Variants in SIL1 observed in about 807,000 individuals in gnomAD.
The protein encoded by SIL1 is nucleotide exchange factor SIL1.
In SIL1, 40 loss-of-function variants were observed where a neutral mutation model predicts 49.1. That is an observed-to-expected ratio of 0.81 (90% CI 0.63 to 1.06). The LOEUF is 1.06. Among genes scored for constraint, SIL1 ranks in the 50% least tolerant of loss-of-function variants. The pLI is 0.00. For synonymous variants in SIL1, 253 were observed against 250.8 expected (o/e 1.01, Z -0.08); for missense variants, 500 against 572.6 (o/e 0.87, Z 1.29).
intron 7 of SIL1, among the ~76,000 whole-genome samples, chr5:138,974,162 G>T (rs1767344589): frequency 1.3e-5 from 2 of 152,162 alleles, no homozygotes; most frequent in Admixed American, 6.5e-5. Context: ...AATCCAAAGA[G>T]CTCCTCAGGA....
At chr5:139,100,747 G>A (rs1352065857) in intron 3 of SIL1, among the ~76,000 whole-genome samples, 1 of 152,102 alleles carries the variant, frequency 6.6e-6, no homozygotes, top group African/African-American at 2.4e-5. Flanking sequence ...GAAAGGGGTC[G>A]AGAATGACTG....
At chr5:139,075,597 A>G (rs956846651) in intron 3 of SIL1, among the ~76,000 whole-genome samples, 2 of 152,226 alleles carry the variant, frequency 1.3e-5, no homozygotes, top group Non-Finnish European at 2.9e-5. Flanking sequence ...AGAGCATGTC[A>G]TAGGGAATAA....
chr5:139,177,901 T>C (rs1441949575), intron 1 of SIL1, among the ~76,000 whole-genome samples: 1 of 152,258 alleles, frequency 6.6e-6, no homozygotes, highest in Non-Finnish European at 1.5e-5. Flanking sequence ...CCACAGGTGC[T>C]GGCTTTGCTA....
Position 139,132,808 on chromosome 5 carries a change from T to TGAGGGA in SIL1, c.-10-4961_-10-4956dup, listed in dbSNP as rs1478830353. ...TTTGCCCTGGGCTTTATGCTAAAGC[T>TGAGGGA]GAGGGAGAAGGGAAAGGGGGAAAGG... On this transcript the variant is annotated intron_variant, in intron 1 of 9. Transcript: ENST00000394817. Among the ~76,000 whole-genome samples the TGAGGGA allele has an allele frequency of 1.3e-5, 2 of 152,098 alleles. 1 individual carries two copies. The highest frequency in any genetic ancestry group is 4.8e-5 in the African/African-American group (2 of 41,396).
intron 7 of SIL1, among the ~76,000 whole-genome samples, chr5:139,016,666 G>C (rs937419176): frequency 2.0e-5 from 3 of 152,106 alleles, no homozygotes; most frequent in South Asian, 2.1e-4. Context: ...GTTCCCTAAG[G>C]AAAGTGGCAG....
At chr5:139,118,521 G>GACTT (rs765812918) in intron 3 of SIL1, among the ~76,000 whole-genome samples, 3 of 152,136 alleles carry the variant, frequency 2.0e-5, no homozygotes, top group Non-Finnish European at 4.4e-5. Context: ...AATATTCTGT[G>GACTT]ACTTGCCCAA....
rs1000748913 is a variant in SIL1, at chr5:138,947,667, G to A, written c.1030-194C>T. ...CATTCATCCACCAACAGAAACACTT[G>A]TGTGGTGCCAGGTGCTGAAGAAACC... On this transcript the variant is annotated intron_variant, in intron 9 of 9. Coordinates refer to ENST00000394817, the MANE Select transcript of SIL1 (RefSeq NM_022464.5). The surrounding 1 kb of genome is among the most constrained non-coding windows in gnomAD (Gnocchi z 4.1). 1.3e-5 allele frequency among the ~76,000 whole-genome samples: 2 copies of A among 152,194 alleles called. No homozygotes were observed. The highest frequency in any genetic ancestry group is 2.9e-5 in the Non-Finnish European group (2 of 68,036).
intron 1 of SIL1, among the ~76,000 whole-genome samples, chr5:139,138,436 C>T (rs1751019004): frequency 6.6e-6 from 1 of 152,196 alleles, no homozygotes; most frequent in African/African-American, 2.4e-5. Flanking sequence ...ACTCCTTATA[C>T]CTGATCCTTG....
Position 138,972,427 on chromosome 5 carries a change from C to T in SIL1, c.768-20543G>A, listed in dbSNP as rs985963637. Among the ~76,000 whole-genome samples the T allele has an allele frequency of 3.3e-5, 5 of 152,258 alleles. No homozygotes were observed. In the East Asian group the frequency reaches 9.6e-4, roughly 29 times the overall value. ...ATGCTGGGTCCAGATGTAAGAACCT[C>T]AAGCTGGGCTAAAAAGCAGCTTTCC... On this transcript the variant is annotated intron_variant, in intron 7 of 9. Transcript: ENST00000394817.
intron 5 of SIL1, among the ~76,000 whole-genome samples, chr5:139,032,198 T>C (rs541865696): frequency 6.6e-6 from 1 of 152,358 alleles, no homozygotes; most frequent in Non-Finnish European, 1.5e-5. Context: ...TTAAGTATAA[T>C]ATTCCATGCA....
intron 7 of SIL1, among the ~76,000 whole-genome samples, chr5:138,962,152 G>A (rs924657836): frequency 3.3e-5 from 5 of 151,316 alleles, no homozygotes; most frequent in African/African-American, 9.7e-5. Flanking sequence ...CAGATACCCC[G>A]TGCACCACGC....
chr5:139,189,704 T>A (rs933938917), intron 1 of SIL1, among the ~76,000 whole-genome samples: 1 of 152,054 alleles, frequency 6.6e-6, no homozygotes, highest in African/African-American at 2.4e-5. Context: ...ATCTGTAATC[T>A]CAGCTACTCA....
At chr5:139,111,613 C>A (rs1172688259) in intron 3 of SIL1, among the ~76,000 whole-genome samples, 1 of 152,198 alleles carries the variant, frequency 6.6e-6, no homozygotes, top group Non-Finnish European at 1.5e-5. Context: ...GCATCAAGCA[C>A]TATACTTCCA....
Position 138,946,966 on chromosome 5 carries a change from A to T in SIL1, c.*151T>A. The T allele has an allele frequency of 1.4e-6, 1 of 705,040 alleles. No individual in the cohort carries two copies. 43.7% of individuals were successfully genotyped at this position (705,040 alleles called of 1,614,324 possible). ...GGCCACAGGGCTGTGCCCAGTCTAC[A>T]CAGACACACAGCAGAAAGAGGATGG... is the stretch of plus-strand genomic sequence containing the variant. On this transcript the variant is annotated 3_prime_UTR_variant, in exon 10 of 10. Transcript: ENST00000394817.
intron 7 of SIL1, among the ~76,000 whole-genome samples, chr5:138,975,197 T>C (rs1767369537): frequency 6.6e-6 from 1 of 152,110 alleles, no homozygotes; most frequent in Non-Finnish European, 1.5e-5. Flanking sequence ...AAGAAGCCTA[T>C]AGGAAGGGGC....
At chr5:139,073,142 T>C (rs1371831875) in intron 3 of SIL1, among the ~76,000 whole-genome samples, 1 of 152,216 alleles carries the variant, frequency 6.6e-6, no homozygotes, top group Non-Finnish European at 1.5e-5. Flanking sequence ...AAAAATAGTA[T>C]GGAGGTTCCT....
At chr5:139,055,955 AG>A (rs1259484714) in intron 3 of SIL1, among the ~76,000 whole-genome samples, 1 of 151,996 alleles carries the variant, frequency 6.6e-6, no homozygotes, top group Non-Finnish European at 1.5e-5. Context: ...TTGCAGACAG[AG>A]TCTCCTTCAC....
intron 1 of SIL1, among the ~76,000 whole-genome samples, chr5:139,194,904 A>G (rs901504594): frequency 1.5e-4 from 23 of 152,092 alleles, no homozygotes; most frequent in African/African-American, 5.6e-4. Flanking sequence ...ACCTATTTCG[A>G]AAAAGGTACA....
intron 3 of SIL1, among the ~76,000 whole-genome samples, chr5:139,074,112 A>G (rs1769892354): frequency 6.6e-6 from 1 of 152,250 alleles, no homozygotes; most frequent in Admixed American, 6.5e-5. Flanking sequence ...GCTGGAATGC[A>G]GTAGTGCAAT....
Sources: gnomAD v4.1 joint callset for allele counts (sites outside exome capture counted in the v4.1 genomes callset) on GRCh38, gnomAD v4.1.1 for gene constraint, Gnocchi (gnomAD v3.1) non-coding constraint, MANE v1.5 for transcripts, NCBI Gene and HGNC (gene_info 2026-07-23, HGNC 2026-07-21) for gene names.